The following KRT9 variants were observed in gnomAD, a reference collection of about 807,000 sequenced individuals.
KRT9 encodes the protein keratin 9, also known as keratin, type I cytoskeletal 9.
A neutral mutation model predicts 51.4 loss-of-function variants in KRT9; 34 were observed. The ratio of observed to expected loss-of-function variants is 0.66; its 90% CI spans 0.50 to 0.88. The LOEUF (loss-of-function observed/expected upper bound fraction) is 0.88. Among genes scored for constraint, KRT9 ranks in the 40% least tolerant of loss-of-function variants. The pLI, the probability that KRT9 is intolerant of heterozygous loss-of-function variation, is 0.00. For synonymous variants in KRT9, 292 were observed against 289.7 expected, an observed-to-expected ratio of 1.01 and a Z score of -0.08; for missense variants, 753 against 790.3, an observed-to-expected ratio of 0.95 and a Z score of 0.57.
chr17:41,571,543 A>T lies in KRT9; in HGVS notation c.450T>A (p.Thr150=), dbSNP rs1907078646. Residue 150 remains threonine, a synonymous_variant, in exon 1 of 8, where the codon ACT becomes ACA. Coordinates refer to ENST00000246662, the MANE Select transcript of KRT9 (RefSeq NM_000226.4). Reference sequence around the variant, plus strand: ...CCTGCATGGTGCTCTTCTCATTAGCAGTCAGAATACCACCATCACCTCCTC... The same window carrying T: ...CCTGCATGGTGCTCTTCTCATTAGCTGTCAGAATACCACCATCACCTCCTC... ...GAGGGDGGIL[T]ANEKSTMQEL... 6.2e-7 allele frequency: 1 copy of T among 1,613,820 alleles called. No individual in the cohort carries two copies. Among genetic ancestry groups the T allele is most frequent in the Non-Finnish European group, 8.5e-7 (1 of 1,179,932 alleles).
chr17:41,567,366 T>G lies in KRT9; in HGVS notation c.1779A>C (p.Gly593=). The change falls in exon 7 of 8, where the codon GGA becomes GGC. Residue 593 remains glycine (G), a synonymous_variant. Transcript: ENST00000246662. ...CTCCGTAGCTGCCTCCACTTTCACC[T>G]CCAAAACCACTTCCTCCACCATGGC... ...GGSHGGGSGF[G]GESGGSYGGG... 6.2e-7 allele frequency: 1 copy of G among 1,611,340 alleles called. No individual in the cohort carries two copies. Among genetic ancestry groups the G allele is most frequent in the South Asian group, 1.1e-5 (1 of 90,820 alleles).
Position 41,567,758 on chromosome 17 carries a change from A to G in KRT9, c.1395-8T>C. 6.2e-7 allele frequency: 1 copy of G among 1,614,194 alleles called. No homozygotes were observed. The highest frequency in any genetic ancestry group is 2.2e-5 in the East Asian group (1 of 44,888). On this transcript the variant is annotated splice_polypyrimidine_tract_variant and splice_region_variant and intron_variant, in intron 6 of 7. Coordinates refer to ENST00000246662, the MANE Select transcript of KRT9 (RefSeq NM_000226.4). ...CCAGCTCCGGAGGATTCACTAAGAA[A>G]GAAAGAAAACAAGAGAGTTAAAATG... is the stretch of plus-strand genomic sequence containing the variant.
chr17:41,568,660 T>A, intron 4 of KRT9, 27 bp from the exon 5 acceptor site: 1 of 1,614,028 alleles, frequency 6.2e-7, no homozygotes, highest in Non-Finnish European at 8.5e-7. Context: ...TCAGTAAGCA[T>A]CAGGCTGTGC....
chr17:41,571,691 G>A lies in KRT9; in HGVS notation c.302C>T (p.Ser101Phe), dbSNP rs368200002. Residue 101 changes from serine (S) to phenylalanine (F), a missense_variant, in exon 1 of 8, where the codon TCT (serine) becomes TTT (phenylalanine). By Grantham distance (155) the Ser-to-Phe change is radical. Transcript: ENST00000246662. Reference sequence around the variant, plus strand: ...CCCAGAACTACTATAGCCTCCTCCAGAAGCACCACCAAAACCTCTGGAACC... The same window carrying A: ...CCCAGAACTACTATAGCCTCCTCCAAAAGCACCACCAAAACCTCTGGAACC... ...GGGSRGFGGASGGGYSSSGGF... is the reference protein window; with the variant it reads ...GGGSRGFGGAFGGGYSSSGGF... The A allele has an allele frequency of 3.2e-5, 52 of 1,605,488 alleles. No homozygotes were observed. The highest frequency in any genetic ancestry group is 2.6e-6 in the Non-Finnish European group (3 of 1,176,320).
At chr17:41,570,072 C>A in intron 2 of KRT9, 57 bp from the exon 3 acceptor site, 1 of 1,613,230 alleles carries the variant, frequency 6.2e-7, no homozygotes, top group Non-Finnish European at 8.5e-7. Context: ...CTACCAGGAC[C>A]TCCAGAGCAC....
At chr17:41,570,502 C>T (rs750368254) in intron 1 of KRT9, among the ~76,000 whole-genome samples, 16 of 152,136 alleles carry the variant, frequency 1.1e-4, no homozygotes, top group Non-Finnish European at 2.1e-4. Context: ...GGGAGCCCAC[C>T]ATTGACTACA....
In KRT9 at chr17:41,571,549, A is replaced by T; in HGVS notation, c.444T>A (p.Ile148=). The change falls in exon 1 of 8, where the codon ATT becomes ATA. Residue 148 remains isoleucine (I), a synonymous_variant. Transcript: ENST00000246662. ...TGGTGCTCTTCTCATTAGCAGTCAG[A>T]ATACCACCATCACCTCCTCCAGCAC... The part of the protein sequence containing the change: ...GGGAGGGDGG[I]LTANEKSTMQ... The T allele has an allele frequency of 6.2e-7, 1 of 1,613,642 alleles. No individual in the cohort carries two copies. The highest frequency in any genetic ancestry group is 8.5e-7 in the Non-Finnish European group (1 of 1,179,840).
intron 4 of KRT9, 58 bp downstream of exon 4, chr17:41,569,368 G>A (rs1906991078): frequency 6.5e-7 from 1 of 1,529,216 alleles, no homozygotes; most frequent in Non-Finnish European, 9.0e-7. Context: ...AGGTGGGAGG[G>A]ATGGAGATAG....
chr17:41,570,275 G>A, intron 1 of KRT9, 55 bp from the exon 2 acceptor site: 1 of 1,482,256 alleles, frequency 6.7e-7, no homozygotes, highest in Non-Finnish European at 9.4e-7. Flanking sequence ...TGCTGAGAGG[G>A]CAAGAGGCCA....
chr17:41,572,009 C>A lies in KRT9; in HGVS notation c.-17G>T. 6.4e-7 allele frequency: 1 copy of A among 1,564,676 alleles called. No individual in the cohort carries two copies. The highest frequency in any genetic ancestry group is 1.2e-5 in the South Asian group (1 of 85,700). On this transcript the variant is annotated 5_prime_UTR_variant, in exon 1 of 8. Transcript: ENST00000246662. ...GCAGCTCATGACACAGCTGGTAGCT[C>A]ACGGGTTGAGAAGCAGTGATAGGAG...
chr17:41,571,578 C>A lies in KRT9; in HGVS notation c.415G>T (p.Gly139Cys), dbSNP rs140848159. ...CCACCATCACCTCCTCCAGCACCAC[C>A]TCCAAAGCCCCCAAACCCCCCAAAC... ...SGFGGFGGFG[G>C]GAGGGDGGIL... is the part of the protein sequence containing the mutation. Residue 139 changes from glycine (G) to cysteine (C), a missense_variant, in exon 1 of 8, where the codon GGT becomes TGT. Transcript: ENST00000246662. The A allele has an allele frequency of 1.6e-5, 26 of 1,608,440 alleles. No individual in the cohort carries two copies. Among genetic ancestry groups the A allele is most frequent in the Non-Finnish European group, 2.0e-5 (24 of 1,176,606 alleles).
At chr17:41,571,285 A>T in intron 1 of KRT9, 66 bp downstream of exon 1, 1 of 1,411,518 alleles carries the variant, frequency 7.1e-7, no homozygotes, top group Non-Finnish European at 1.0e-6. Flanking sequence ...TTAGCATTTT[A>T]ACTTTTTTGG....
Position 41,567,423 on chromosome 17 carries a change from T to C in KRT9, c.1722A>G (p.Gly574=). The change falls in exon 7 of 8, where the codon GGA becomes GGG. Residue 574 remains glycine (G), a synonymous_variant. Coordinates refer to ENST00000246662, the MANE Select transcript of KRT9 (RefSeq NM_000226.4). ...CACTTCCTCCCCTGGACCCACTTCC[T>C]CCACCATAGCCACCCCCACTTCCTC... ...SGGGSGGGYG[G]GSGSRGGSGG... The C allele has an allele frequency of 6.4e-7, 1 of 1,565,538 alleles. No homozygotes were observed. Among genetic ancestry groups the C allele is most frequent in the East Asian group, 2.4e-5 (1 of 41,708 alleles).
chr17:41,568,800 TCCTCTCAACATGACATTC>T (rs1193227593), intron 4 of KRT9, among the ~76,000 whole-genome samples, 167 bp from the exon 5 acceptor site: 2 of 152,134 alleles, frequency 1.3e-5, no homozygotes, highest in African/African-American at 4.8e-5. Flanking sequence ...GGTTGTCCAG[TCCTCTCAACATGACATTC>T]CCTCTCAACA....
Position 41,569,871 on chromosome 17 carries a change from C to T in KRT9, c.870G>A (p.Lys290=). The T allele has an allele frequency of 6.2e-7, 1 of 1,614,186 alleles. No homozygotes were observed. Among genetic ancestry groups the T allele is most frequent in the Non-Finnish European group, 8.5e-7 (1 of 1,180,036 alleles). Residue 290 remains lysine (K), a synonymous_variant, in exon 3 of 8, where the codon AAG becomes AAA. Transcript: ENST00000246662. ...CCCAGCAACCTACCTCCTTATGATT[C>T]TTCTTGAGGGCCATCAGCTCCTCCT... ...TLQEELMALK[K]NHKEEMSQLT... is the part of the protein sequence containing the mutation.
chr17:41,571,396 C>A lies in KRT9; in HGVS notation c.597G>T (p.Lys199Asn). The change falls in exon 1 of 8, where the codon AAG becomes AAT. Residue 199 changes from lysine (K) to asparagine (N), a missense_variant. Coordinates refer to ENST00000246662, the MANE Select transcript of KRT9 (RefSeq NM_000226.4). ...YDKKGPAAIQKNYSPYYNTID... is the reference protein window; with the variant it reads ...YDKKGPAAIQNNYSPYYNTID... Reference sequence around the variant, plus strand: ...TAGTGTTATAATAAGGGGAGTAGTTCTTCTGGATAGCAGCAGGTCCCTTCT... The same window carrying A: ...TAGTGTTATAATAAGGGGAGTAGTTATTCTGGATAGCAGCAGGTCCCTTCT... The A allele has an allele frequency of 1.2e-6, 2 of 1,614,052 alleles. No individual in the cohort carries two copies. The highest frequency in any genetic ancestry group is 1.7e-6 in the Non-Finnish European group (2 of 1,180,006).
At position 41,570,212 on chromosome 17, in the gene KRT9, G is replaced by T; in HGVS notation, c.651C>A (p.Asp217Glu). 3 of 1,613,712 alleles carry T rather than the reference G, an allele frequency of 1.9e-6. No homozygotes were observed. The highest frequency in any genetic ancestry group is 2.5e-6 in the Non-Finnish European group (3 of 1,179,740). The part of the protein sequence containing the change: ...TIDDLKDQIV[D>E]LTVGNNKTLL... Reference sequence around the variant, plus strand: ...GAGTTTTGTTGTTGCCCACTGTCAGGTCCACAATCTGAAAAAAAAAGGACA... The same window carrying T: ...GAGTTTTGTTGTTGCCCACTGTCAGTTCCACAATCTGAAAAAAAAAGGACA... Residue 217 changes from aspartate to glutamate, a missense_variant, in exon 2 of 8, where the codon GAC (aspartate) becomes GAA (glutamate). Asp to Glu is a conservative substitution (Grantham distance 45). Coordinates refer to ENST00000246662, the MANE Select transcript of KRT9 (RefSeq NM_000226.4).
chr17:41,568,024 C>A, intron 6 of KRT9, 138 bp downstream of exon 6: 1 of 953,416 alleles, frequency 1.0e-6, no homozygotes, highest in Non-Finnish European at 1.6e-6. Context: ...GTCCCCCCGG[C>A]CCCCAGGATG....
rs768537802 is a variant in KRT9, at chr17:41,567,698, C to T, written c.1447G>A (p.Gly483Ser). 1 of 1,614,104 alleles carries T rather than the reference C, an allele frequency of 6.2e-7. No homozygotes were observed. Among genetic ancestry groups the T allele is most frequent in the East Asian group, 2.2e-5 (1 of 44,884 alleles). ...IGLGGRGGSG[G>S]SYGRGSRGGS... is the part of the protein sequence containing the mutation. ...CCCCTGGATCCTCTTCCATAACTGC[C>T]TCCACTTCCTCCTCGACCTCCAAGG... Residue 483 changes from glycine to serine, a missense_variant, in exon 7 of 8, where the codon GGC becomes AGC. Around this residue, in one of 3 missense-constraint regions of KRT9, gnomAD observed 507 missense variants for 563.7 expected, o/e 0.90. Coordinates refer to ENST00000246662, the MANE Select transcript of KRT9 (RefSeq NM_000226.4).
Sources: gnomAD v4.1 joint callset for allele counts (sites outside exome capture counted in the v4.1 genomes callset) on GRCh38, gnomAD v4.1.1 for gene constraint, gnomAD v4.1.1 regional missense constraint, MANE v1.5 for transcripts, NCBI Gene and HGNC (gene_info 2026-07-23, HGNC 2026-07-21) for gene names.